The following CDH12 variants were observed in gnomAD, a reference collection of about 807,000 sequenced individuals.
The protein encoded by CDH12 is cadherin-12.
CDH12 carries 41 observed loss-of-function variants against 74.1 expected under a neutral mutation model. The ratio of observed to expected loss-of-function variants is 0.55; its 90% CI spans 0.43 to 0.72. The LOEUF (loss-of-function observed/expected upper bound fraction) is 0.72, where lower values mean the gene tolerates loss of function less well. CDH12 is among the 30% of genes least tolerant of loss of function. The probability of loss-of-function intolerance (pLI) is 0.00; values close to 1 mark genes in which losing one functional copy is unlikely to be tolerated. For synonymous variants in CDH12, 399 were observed against 355.0 expected, an observed-to-expected ratio of 1.12 and a Z score of -1.39; for missense variants, 945 against 977.2, an observed-to-expected ratio of 0.97 and a Z score of 0.44.
At chr5:22,688,523 C>G (rs1044401011) in intron 1 of CDH12, among the ~76,000 whole-genome samples, 3 of 152,090 alleles carry the variant, frequency 2.0e-5, no homozygotes, top group African/African-American at 7.2e-5. Flanking sequence ...ATAGTGGATC[C>G]CGCAGCGATG....
chr5:22,481,884 A>AAAG (rs1746398003), intron 2 of CDH12, among the ~76,000 whole-genome samples: 2 of 151,778 alleles, frequency 1.3e-5, no homozygotes, highest in African/African-American at 2.4e-5. Context: ...GCACTTAAGA[A>AAAG]AAAAACAAAA....
At chr5:21,920,060 T>C (rs569396136) in intron 6 of CDH12, among the ~76,000 whole-genome samples, 1 of 152,202 alleles carries the variant, frequency 6.6e-6, no homozygotes, top group African/African-American at 2.4e-5. Flanking sequence ...TTAGGACATA[T>C]ATTATTTTAA....
chr5:22,506,123 G>C (rs548010195), intron 1 of CDH12, among the ~76,000 whole-genome samples: 2 of 152,004 alleles, frequency 1.3e-5, no homozygotes, highest in African/African-American at 4.8e-5. Flanking sequence ...GTTTGCCACC[G>C]TTTCGTACTA....
intron 4 of CDH12, among the ~76,000 whole-genome samples, chr5:22,106,480 TATATA>T (rs761357757): frequency 1.8e-4 from 27 of 152,208 alleles, no homozygotes; most frequent in Admixed American, 2.0e-4. Context: ...GTAATAATGT[TATATA>T]ATATAACAAG....
intron 2 of CDH12, among the ~76,000 whole-genome samples, chr5:22,422,972 A>G (rs1743720478): frequency 6.6e-6 from 1 of 152,196 alleles, no homozygotes; most frequent in Admixed American, 6.5e-5. Context: ...ATGACAGAGT[A>G]TATTAAATCA....
intron 1 of CDH12, among the ~76,000 whole-genome samples, chr5:22,578,794 G>C (rs1739924719): frequency 6.6e-6 from 1 of 152,028 alleles, no homozygotes; most frequent in Non-Finnish European, 1.5e-5. Context: ...TTCTCTAGAA[G>C]GGAAATTAAA....
chr5:22,783,004 C>T lies in CDH12; in HGVS notation c.-523+70054G>A, dbSNP rs1021971860. The stretch of plus-strand genomic sequence containing the variant: ...TCATTTTTCAAGGATGAAATAAAAG[C>T]AAAGGGATGTAGATCTAGGTGCCAT... On this transcript the variant is annotated intron_variant, in intron 1 of 14. Coordinates refer to ENST00000382254, the MANE Select transcript of CDH12 (RefSeq NM_004061.5). Among the ~76,000 whole-genome samples, 9 of 152,054 alleles carry T rather than the reference C, an allele frequency of 5.9e-5. No individual in the cohort carries two copies. In the South Asian group the frequency reaches 1.9e-3, roughly 32 times the overall value.
chr5:21,858,585 G>A (rs1164477209), intron 6 of CDH12, among the ~76,000 whole-genome samples: 1 of 151,858 alleles, frequency 6.6e-6, no homozygotes, highest in Non-Finnish European at 1.5e-5. Context: ...TGCACAGAAC[G>A]ATTTAATAGT....
intron 1 of CDH12, among the ~76,000 whole-genome samples, chr5:22,815,492 G>A (rs556086272): frequency 3.5e-4 from 53 of 152,046 alleles, no homozygotes; most frequent in African/African-American, 8.4e-4. Flanking sequence ...TACATGGACC[G>A]GGCGCAGTGG....
chr5:22,333,227 A>G (rs761391396), intron 3 of CDH12, among the ~76,000 whole-genome samples: 7 of 152,042 alleles, frequency 4.6e-5, no homozygotes, highest in Non-Finnish European at 7.4e-5. Flanking sequence ...CAGAAACCAA[A>G]AACCGCATGT....
chr5:21,866,468 G>A (rs1157264851), intron 6 of CDH12, among the ~76,000 whole-genome samples: 3 of 152,278 alleles, frequency 2.0e-5, no homozygotes, highest in African/African-American at 7.2e-5. Flanking sequence ...GAATCTGTTG[G>A]CAACTGGAGC....
intron 5 of CDH12, among the ~76,000 whole-genome samples, chr5:21,992,013 T>G (rs1757776335): frequency 6.6e-6 from 1 of 152,022 alleles, no homozygotes; most frequent in African/African-American, 2.4e-5. Context: ...AGATAAATAT[T>G]AACTATCCTG....
chr5:22,066,578 T>A (rs184278510), intron 5 of CDH12, among the ~76,000 whole-genome samples: 15 of 152,324 alleles, frequency 9.8e-5, no homozygotes, highest in African/African-American at 3.1e-4. Flanking sequence ...TCCAAAGTTC[T>A]AGAATGTAAT....
intron 8 of CDH12, among the ~76,000 whole-genome samples, chr5:21,826,553 C>T (rs957640710): frequency 6.6e-6 from 1 of 152,166 alleles, no homozygotes; most frequent in Admixed American, 6.6e-5. Flanking sequence ...TTATTCTCTA[C>T]CCCTGGCCTG....
At chr5:21,884,244 G>A (rs1752512611) in intron 6 of CDH12, 1 of 1,512,224 alleles carries the variant, frequency 6.6e-7, no homozygotes, top group African/African-American at 1.4e-5. Flanking sequence ...AATTCCTAAA[G>A]AAGAGAAGGA....
At chr5:21,960,554 C>T (rs1756310246) in intron 6 of CDH12, among the ~76,000 whole-genome samples, 1 of 152,038 alleles carries the variant, frequency 6.6e-6, no homozygotes, top group Admixed American at 6.6e-5. Context: ...AATTACCGTT[C>T]CCTTGTATCT....
intron 3 of CDH12, among the ~76,000 whole-genome samples, chr5:22,299,252 T>A (rs1046675967): frequency 6.6e-6 from 1 of 151,166 alleles, no homozygotes; most frequent in Non-Finnish European, 1.5e-5. Flanking sequence ...AGAGATGGGG[T>A]GGGGTTGGAG....
chr5:22,529,453 GA>G (rs1358829532), intron 1 of CDH12, among the ~76,000 whole-genome samples: 1 of 151,518 alleles, frequency 6.6e-6, no homozygotes, highest in South Asian at 2.1e-4. Context: ...CCATTGGCAG[GA>G]AAAAAAACAA....
At position 22,737,779 on chromosome 5, in the gene CDH12, C is replaced by A. The variant is rs149088978; in HGVS notation, c.-523+115279G>T. On this transcript the variant is annotated intron_variant, in intron 1 of 14. Coordinates refer to ENST00000382254, the MANE Select transcript of CDH12 (RefSeq NM_004061.5). ...ACTTTTGGTGGGAAACAGACATATT[C>A]TTTGTATATTTTAATGAAAATTATT... Among the ~76,000 whole-genome samples, 449 of 152,058 alleles carry A rather than the reference C, an allele frequency of 3.0e-3. 4 individuals carry two copies. The highest frequency in any genetic ancestry group is 0.01 in the African/African-American group (420 of 41,500).
Sources: gnomAD v4.1 joint callset for allele counts (sites outside exome capture counted in the v4.1 genomes callset) on GRCh38, gnomAD v4.1.1 for gene constraint, MANE v1.5 for transcripts, NCBI Gene and HGNC (gene_info 2026-07-23, HGNC 2026-07-21) for gene names.